The following ITFG1 variants were observed in gnomAD, a reference collection of about 807,000 sequenced individuals.
ITFG1 encodes the protein T-cell immunomodulatory protein.
Under a neutral mutation model 81.8 loss-of-function variants are expected in ITFG1, and 34 were observed. The ratio of observed to expected loss-of-function variants is 0.42; its 90% CI spans 0.32 to 0.55. The LOEUF is 0.55. Ranked by LOEUF, ITFG1 falls within the 20% of genes least tolerant of loss-of-function variation. The pLI, the probability that ITFG1 is intolerant of heterozygous loss-of-function variation, is 0.17. For synonymous variants in ITFG1, 285 were observed against 270.6 expected, an observed-to-expected ratio of 1.05 and a Z score of -0.52; for missense variants, 672 against 755.4, an observed-to-expected ratio of 0.89 and a Z score of 1.29.
At chr16:47,459,055 T>C (rs1387754645) in intron 2 of ITFG1, 48 bp downstream of exon 2, 2 of 1,142,928 alleles carry the variant, frequency 1.7e-6, no homozygotes, top group Non-Finnish European at 2.6e-6. Flanking sequence ...ATATCCATTA[T>C]TATATTAATG....
intron 6 of ITFG1, among the ~76,000 whole-genome samples, chr16:47,408,487 A>G (rs1968757868): frequency 6.6e-6 from 1 of 152,236 alleles, no homozygotes; most frequent in African/African-American, 2.4e-5. Context: ...TTTTACAAGA[A>G]GTAGAGAAAT....
intron 6 of ITFG1, among the ~76,000 whole-genome samples, chr16:47,387,829 A>G (rs768430554): frequency 6.6e-6 from 1 of 152,226 alleles, no homozygotes; most frequent in Non-Finnish European, 1.5e-5. Context: ...AGTATAATCC[A>G]TATACAAGAA....
At chr16:47,303,375 A>G (rs1967107907) in intron 10 of ITFG1, among the ~76,000 whole-genome samples, 1 of 152,170 alleles carries the variant, frequency 6.6e-6, no homozygotes, top group African/African-American at 2.4e-5. Context: ...AAGTGAGAAA[A>G]GGTGATGGGC....
At chr16:47,179,701 C>G (rs1196565379) in intron 14 of ITFG1, among the ~76,000 whole-genome samples, 3 of 151,902 alleles carry the variant, frequency 2.0e-5, no homozygotes, top group African/African-American at 7.3e-5. Flanking sequence ...GTGGTTAATA[C>G]CTTTTAAAAG....
intron 14 of ITFG1, among the ~76,000 whole-genome samples, chr16:47,211,399 T>C (rs898846021): frequency 8.5e-5 from 13 of 152,234 alleles, no homozygotes; most frequent in African/African-American, 2.7e-4. Flanking sequence ...TACTTCTTGG[T>C]TGCAGCAGTT....
chr16:47,348,795 C>T (rs998531706), intron 8 of ITFG1, among the ~76,000 whole-genome samples: 1 of 152,126 alleles, frequency 6.6e-6, no homozygotes. Context: ...AAAAAATGTT[C>T]AGGACAGCCA....
intron 12 of ITFG1, among the ~76,000 whole-genome samples, chr16:47,252,783 G>A (rs945705666): frequency 1.3e-5 from 2 of 152,156 alleles, no homozygotes; most frequent in African/African-American, 4.8e-5. Context: ...TAGAGTAACA[G>A]AATAATTTAA....
chr16:47,258,269 T>C (rs1407978758), intron 12 of ITFG1, among the ~76,000 whole-genome samples: 2 of 152,194 alleles, frequency 1.3e-5, no homozygotes, highest in African/African-American at 2.4e-5. Flanking sequence ...ATTCATGACC[T>C]AAGTTGGGTA....
chr16:47,327,230 T>C (rs554524636), intron 8 of ITFG1, among the ~76,000 whole-genome samples: 1 of 152,166 alleles, frequency 6.6e-6, no homozygotes. Flanking sequence ...GGGGAAAGCA[T>C]TCCCTATTTA....
intron 14 of ITFG1, among the ~76,000 whole-genome samples, chr16:47,201,496 C>T (rs1241274669): frequency 6.6e-6 from 1 of 152,166 alleles, no homozygotes; most frequent in Admixed American, 6.5e-5. Context: ...TGTGAGCCAC[C>T]GTGCCCGGCT....
At chr16:47,440,961 GA>G (rs1456972367) in intron 5 of ITFG1, among the ~76,000 whole-genome samples, 3 of 152,126 alleles carry the variant, frequency 2.0e-5, no homozygotes, top group Admixed American at 2.0e-4. Flanking sequence ...AAGAAGAAAA[GA>G]GAGAAGAATC....
intron 6 of ITFG1, among the ~76,000 whole-genome samples, chr16:47,381,680 A>AT (rs1386832103): frequency 6.6e-6 from 1 of 152,208 alleles, no homozygotes; most frequent in Non-Finnish European, 1.5e-5. Flanking sequence ...GAAGGGCAGC[A>AT]TAACAATGTA....
At chr16:47,244,998 G>A (rs1458307941) in intron 12 of ITFG1, among the ~76,000 whole-genome samples, 1 of 151,994 alleles carries the variant, frequency 6.6e-6, no homozygotes, top group Non-Finnish European at 1.5e-5. Flanking sequence ...CTCAGCCTGC[G>A]GTATTTTGTT....
chr16:47,305,612 G>A (rs997539596), intron 10 of ITFG1, among the ~76,000 whole-genome samples: 3 of 152,116 alleles, frequency 2.0e-5, no homozygotes, highest in Admixed American at 6.5e-5. Context: ...TATGGATAAA[G>A]TACAAATCCA....
chr16:47,174,465 G>A (rs1275434553), intron 14 of ITFG1, among the ~76,000 whole-genome samples: 2 of 152,126 alleles, frequency 1.3e-5, no homozygotes, highest in Non-Finnish European at 2.9e-5. Flanking sequence ...GTGTGTGTGC[G>A]CGTGTATGTG....
chr16:47,299,090 T>C (rs1967031719), intron 10 of ITFG1, among the ~76,000 whole-genome samples: 1 of 152,130 alleles, frequency 6.6e-6, no homozygotes, highest in Admixed American at 6.5e-5. Context: ...TGAAGGGCGG[T>C]ACCAGCACCA....
At chr16:47,377,990 G>A (rs1307497756) in intron 6 of ITFG1, among the ~76,000 whole-genome samples, 1 of 152,188 alleles carries the variant, frequency 6.6e-6, no homozygotes, top group Non-Finnish European at 1.5e-5. Context: ...AAGGGTCTAC[G>A]TTAAAGTGTT....
chr16:47,188,720 C>T (rs1406650114), intron 14 of ITFG1, among the ~76,000 whole-genome samples: 5 of 150,980 alleles, frequency 3.3e-5, no homozygotes, highest in African/African-American at 9.8e-5. Flanking sequence ...TGTATACATA[C>T]GTAACTAACC....
chr16:47,450,656 T>C (rs1969377096), intron 5 of ITFG1, among the ~76,000 whole-genome samples: 1 of 152,220 alleles, frequency 6.6e-6, no homozygotes, highest in Non-Finnish European at 1.5e-5. Flanking sequence ...GGTGGTCCTT[T>C]GTACTTTCAG....
Sources: gnomAD v4.1 joint callset for allele counts (sites outside exome capture counted in the v4.1 genomes callset) on GRCh38, gnomAD v4.1.1 for gene constraint, MANE v1.5 for transcripts, NCBI Gene and HGNC (gene_info 2026-07-23, HGNC 2026-07-21) for gene names.